The following COL6A2 variants were observed in gnomAD, a reference collection of about 807,000 sequenced individuals.
COL6A2 encodes the protein collagen type VI alpha 2 chain.
In COL6A2, 90 loss-of-function variants were observed where a neutral mutation model predicts 124.9. The ratio of observed to expected loss-of-function variants is 0.72; its 90% CI spans 0.61 to 0.86. The LOEUF is 0.86. COL6A2 is among the 40% of genes least tolerant of loss of function. COL6A2 has a pLI of 0.00. For missense variants in COL6A2, 1,607 were observed against 1,502.5 expected, an observed-to-expected ratio of 1.07 and a Z score of -1.15; for synonymous variants, 793 against 618.2, an observed-to-expected ratio of 1.28 and a Z score of -4.19.
At position 46,118,210 on chromosome 21, in the gene COL6A2, T is replaced by A. The variant is rs191402857; in HGVS notation, c.1116+274T>A. Among the ~76,000 whole-genome samples, 416 of 151,976 alleles carry A rather than the reference T, an allele frequency of 2.7e-3. 1 individual carries two copies. Among genetic ancestry groups the A allele is most frequent in the African/African-American group, 9.2e-3 (382 of 41,442 alleles). ...AGCCCCAGGGAGCCCCACCCACACCTCCTGGAGCTCCCCATGGGAACGTTG... is the reference window on the plus strand; with the variant it reads ...AGCCCCAGGGAGCCCCACCCACACCACCTGGAGCTCCCCATGGGAACGTTG... On this transcript the variant is annotated intron_variant, in intron 12 of 27. Transcript: ENST00000300527.
At chr21:46,128,015 A>G (rs2078700034) in intron 27 of COL6A2, among the ~76,000 whole-genome samples, 1 of 152,170 alleles carries the variant, frequency 6.6e-6, no homozygotes, top group East Asian at 1.9e-4. Flanking sequence ...GTTTGCGCTT[A>G]TCGGCGACAT....
chr21:46,098,299 G>A (rs2078247666), intron 1 of COL6A2, 126 bp downstream of exon 1: 1 of 152,366 alleles, frequency 6.6e-6, no homozygotes, highest in African/African-American at 2.4e-5. Flanking sequence ...TCCAGCCCCA[G>A]GGACGGCGGG....
rs774494973 is a variant in COL6A2, at chr21:46,126,236, G to A, written c.2421G>A (p.Pro807=). Residue 807 remains proline (P), a splice_region_variant and synonymous_variant, in exon 26 of 28, where the codon CCG becomes CCA. Transcript: ENST00000300527. ...FIDDMEDVLC[P]DPQIVCPDLP... ...ATGACATGGAGGACGTCCTCTGCCC[G>A]GGTGAGCGTGTGGGCGCGGGGCAGT... The A allele has an allele frequency of 1.7e-5, 27 of 1,597,842 alleles. No homozygotes were observed. Among genetic ancestry groups the A allele is most frequent in the Middle Eastern group, 1.6e-4 (1 of 6,070 alleles).
intron 4 of COL6A2, 41 bp downstream of exon 4, chr21:46,112,865 T>G: frequency 6.2e-7 from 1 of 1,612,940 alleles, no homozygotes; most frequent in Non-Finnish European, 8.5e-7. Context: ...GGCCGGCAGC[T>G]GACCCAGCAG....
intron 27 of COL6A2, among the ~76,000 whole-genome samples, chr21:46,130,214 G>C (rs555822621): frequency 6.6e-6 from 1 of 152,160 alleles, no homozygotes; most frequent in Admixed American, 6.5e-5. Flanking sequence ...CCCTGATCCC[G>C]GGGTGTCTGC....
intron 27 of COL6A2, among the ~76,000 whole-genome samples, chr21:46,127,902 CCA>C (rs1485897472): frequency 3.9e-5 from 6 of 152,208 alleles, no homozygotes; most frequent in Non-Finnish European, 5.9e-5. Context: ...CATTGAATTT[CCA>C]GTGTTGAGCC....
chr21:46,105,637 C>T (rs563300614), intron 1 of COL6A2, among the ~76,000 whole-genome samples: 154 of 152,232 alleles, frequency 1.0e-3, no homozygotes, highest in Non-Finnish European at 1.7e-3. Flanking sequence ...TGAAGCTAAA[C>T]TGGTATAAAT....
chr21:46,128,910 CG>C (rs1568943843), intron 27 of COL6A2: 1 of 1,612,606 alleles, frequency 6.2e-7, no homozygotes, highest in East Asian at 2.2e-5. Context: ...CAGGTTTGGA[CG>C]GAGCTGTTTT....
At chr21:46,119,177 G>A (rs1211004527) in intron 14 of COL6A2, 58 bp downstream of exon 14, 2 of 1,346,772 alleles carry the variant, frequency 1.5e-6, no homozygotes, top group East Asian at 2.4e-5. Flanking sequence ...CTTGCAGCTT[G>A]AGGAGGACCA....
intron 22 of COL6A2, 29 bp downstream of exon 22, chr21:46,124,742 C>T (rs765204634): frequency 1.9e-6 from 3 of 1,607,100 alleles, no homozygotes; most frequent in Admixed American, 1.7e-5. Context: ...CCCATGCCCT[C>T]CCCCCAACCT....
rs1429656354 is a variant in COL6A2 at position 46,120,085 on chromosome 21, T to TCACCCCCGGCCCACTGAGGCACCACTCA, written c.1332+243_1332+270dup. ...CCCCGCACAGCTGTGCAGGCACCAT[T>TCACCCCCGGCCCACTGAGGCACCACTCA]CACCCCCGGCCCACTGAGGCACCAC... is the stretch of plus-strand genomic sequence containing the variant. On this transcript the variant is annotated intron_variant, in intron 15 of 27. Transcript: ENST00000300527. 5.2e-4 allele frequency among the ~76,000 whole-genome samples: 37 copies of TCACCCCCGGCCCACTGAGGCACCACTCA among 71,700 alleles called. 1 individual carries two copies. The Admixed American group carries it at 5.8e-3, about 11-fold the overall frequency. 47.0% of individuals were successfully genotyped at this position (71,700 alleles called of 152,430 possible).
intron 1 of COL6A2, among the ~76,000 whole-genome samples, chr21:46,103,261 G>A (rs1172314628): frequency 6.6e-6 from 1 of 152,026 alleles, no homozygotes; most frequent in Admixed American, 6.5e-5. Context: ...AGAATTAGTA[G>A]CAATGTTGCC....
At chr21:46,104,875 T>C (rs766129592) in intron 1 of COL6A2, among the ~76,000 whole-genome samples, 3 of 152,216 alleles carry the variant, frequency 2.0e-5, no homozygotes, top group Non-Finnish European at 2.9e-5. Flanking sequence ...AGTGGGCCAA[T>C]ATATCCAAAG....
chr21:46,112,764 C>A, intron 3 of COL6A2, 40 bp from the exon 4 acceptor site: 1 of 1,613,576 alleles, frequency 6.2e-7, no homozygotes, highest in African/African-American at 1.3e-5. Context: ...CCCCAGGTCT[C>A]GAGGCACACG....
chr21:46,118,826 A>G (rs1601231834), intron 13 of COL6A2, 150 bp downstream of exon 13: 1 of 1,102,096 alleles, frequency 9.1e-7, no homozygotes, highest in Non-Finnish European at 1.3e-6. Flanking sequence ...AGAACAGGCC[A>G]TGTGCCCTGA....
chr21:46,127,028 G>A (rs768197687), intron 27 of COL6A2, among the ~76,000 whole-genome samples: 2 of 152,206 alleles, frequency 1.3e-5, no homozygotes, highest in Non-Finnish European at 2.9e-5. Flanking sequence ...CTCTGGGAGT[G>A]GGGGAGCCCA....
chr21:46,114,340 G>A (rs1012516262), intron 5 of COL6A2, among the ~76,000 whole-genome samples: 1 of 151,550 alleles, frequency 6.6e-6, no homozygotes. Flanking sequence ...CAGGAGAATC[G>A]CTTGAACCTG....
chr21:46,117,734 C>A, intron 11 of COL6A2, 140 bp from the exon 12 acceptor site: 1 of 871,772 alleles, frequency 1.1e-6, no homozygotes, highest in Non-Finnish European at 1.8e-6. Flanking sequence ...CCAGGCCTGG[C>A]CTCTTGGTCA....
At chr21:46,114,149 G>T in intron 5 of COL6A2, 76 bp downstream of exon 5, 2 of 1,283,290 alleles carry the variant, frequency 1.6e-6, no homozygotes, top group Non-Finnish European at 2.3e-6. Flanking sequence ...ACACTTGGCC[G>T]GGCGTGGTGG....
Sources: gnomAD v4.1 joint callset for allele counts (sites outside exome capture counted in the v4.1 genomes callset) on GRCh38, gnomAD v4.1.1 for gene constraint, MANE v1.5 for transcripts, NCBI Gene and HGNC (gene_info 2026-07-23, HGNC 2026-07-21) for gene names.